The following MROH2A variants were observed in gnomAD, a reference collection of about 807,000 sequenced individuals.
MROH2A encodes the protein maestro heat-like repeat-containing protein family member 2A.
MROH2A carries 174 observed loss-of-function variants against 200.4 expected under a neutral mutation model. The observed-to-expected ratio is 0.87, with a 90% CI of 0.77 to 0.98. The LOEUF (loss-of-function observed/expected upper bound fraction) is 0.98, where lower values mean the gene tolerates loss of function less well. Ranked by LOEUF, MROH2A falls within the 50% of genes least tolerant of loss-of-function variation. The pLI is 0.00. For synonymous variants in MROH2A, 829 were observed against 840.4 expected (o/e 0.99, Z 0.23); for missense variants, 2,045 against 2,139.6 (o/e 0.96, Z 0.87).
rs377648962 is a variant in MROH2A at position 233,804,176 on chromosome 2, G to A, written c.1875G>A (p.Leu625=). ...ADMWELEIAL[L]VRYLEEHTEF... ...TGTGGGAGCTGGAGATTGCGCTACTGGTCCGGTACCTGGAAGGTGAGGTTC... is the reference window on the plus strand; with the variant it reads ...TGTGGGAGCTGGAGATTGCGCTACTAGTCCGGTACCTGGAAGGTGAGGTTC... The change falls in exon 17 of 42, where the codon CTG becomes CTA. Residue 625 remains leucine (L), a synonymous_variant. Transcript: ENST00000389758. The A allele has an allele frequency of 2.5e-5, 38 of 1,550,404 alleles. No homozygotes were observed. The African/African-American group carries it at 2.6e-4, about 11-fold the overall frequency.
rs1701868054 is a variant in MROH2A, at chr2:233,792,815, C to G, written c.591C>G (p.Tyr197Ter). 1 of 1,546,708 alleles carries G rather than the reference C, an allele frequency of 6.5e-7. No individual in the cohort carries two copies. The highest frequency in any genetic ancestry group is 2.0e-5 in the Admixed American group (1 of 50,980). Residue 197 changes from tyrosine (Y) to a stop codon, truncating the protein, a stop_gained, in exon 6 of 42, where the codon TAC becomes TAG. Transcript: ENST00000389758. LOFTEE classifies it high-confidence loss of function. ...TCACAGTGTTTGAGTTCATGCCATACATGGGCATCACCCTGGCTACCATAT... is the reference window on the plus strand; with the variant it reads ...TCACAGTGTTTGAGTTCATGCCATAGATGGGCATCACCCTGGCTACCATAT... Reference protein sequence around the residue: ...ANGNVFEFMPYMGITLATIFT... With the variant: ...ANGNVFEFMP
Position 233,805,203 on chromosome 2 carries a change from C to A in MROH2A, c.2052+92C>A, listed in dbSNP as rs1282580113. On this transcript the variant is annotated intron_variant, in intron 19 of 41. Coordinates refer to ENST00000389758, the MANE Select transcript of MROH2A (RefSeq NM_001394639.1). The stretch of plus-strand genomic sequence containing the variant: ...GATAACACCGTGTGTGTGAGATCAG[C>A]TGGACCTGTGGCTGTTTACAGGGTC... 93 of 838,972 alleles carry A rather than the reference C, an allele frequency of 1.1e-4. 5 individuals carry two copies. The South Asian group carries it at 1.2e-3, about 11-fold the overall frequency. 52.0% of individuals were successfully genotyped at this position (838,972 alleles called of 1,614,324 possible).
intron 4 of MROH2A, 43 bp from the exon 5 acceptor site, chr2:233,789,809 C>G: frequency 2.6e-6 from 4 of 1,521,986 alleles, no homozygotes; most frequent in Non-Finnish European, 2.7e-6. Flanking sequence ...CCTGGAGGCC[C>G]GGCTGGTGGT....
chr2:233,824,180 A>C (rs1704150095), intron 35 of MROH2A, among the ~76,000 whole-genome samples: 1 of 152,268 alleles, frequency 6.6e-6, no homozygotes, highest in South Asian at 2.1e-4. Context: ...AAGCTGTAGC[A>C]GGAAAACAGC....
In MROH2A at chr2:233,828,420, C is replaced by T; in HGVS notation, c.4114-210C>T. 1.8e-6 allele frequency: 1 copy of T among 556,562 alleles called. No individual in the cohort carries two copies. The allele number at this position is 556,562 out of a possible 1,614,324, so 34.5% of individuals were successfully genotyped here. ...TATACGTAACACTTATCTAGCATTC[C>T]CCCCATATTTCCTTATTAAATCCCC... On this transcript the variant is annotated intron_variant, in intron 35 of 41. Transcript: ENST00000389758. The surrounding 1 kb of genome is among the most constrained non-coding windows in gnomAD (Gnocchi z 4.6).
Position 233,799,579 on chromosome 2 carries a change from A to G in MROH2A, c.1330-201A>G, listed in dbSNP as rs1016113253. Among the ~76,000 whole-genome samples the G allele has an allele frequency of 1.2e-4, 19 of 152,124 alleles. No homozygotes were observed. The East Asian group carries it at 1.7e-3, about 14-fold the overall frequency. Reference sequence around the variant, plus strand: ...GAGCTTTGTGTCTCTCCAAGGCTCAATTAGGCTCCCAGGTGGGCATGCTGC... The same window carrying G: ...GAGCTTTGTGTCTCTCCAAGGCTCAGTTAGGCTCCCAGGTGGGCATGCTGC... On this transcript the variant is annotated intron_variant, in intron 12 of 41. Transcript: ENST00000389758.
intron 22 of MROH2A, 129 bp downstream of exon 22, chr2:233,809,407 G>A (rs945544241): frequency 4.8e-5 from 50 of 1,037,128 alleles, no homozygotes; most frequent in Non-Finnish European, 6.3e-5. Flanking sequence ...TGCCCAGCAC[G>A]TGGGAAGCCC....
chr2:233,776,354 C>CTTTTTT (rs10568441), upstream of MROH2A, among the ~76,000 whole-genome samples: 1 of 111,342 alleles, frequency 9.0e-6, no homozygotes, highest in Non-Finnish European at 1.9e-5. Flanking sequence ...AATGTATTTA[C>CTTTTTT]TTTTTTTTTT....
At chr2:233,813,271 A>AGCTGCTGCTGCT (rs895511669) in intron 24 of MROH2A, among the ~76,000 whole-genome samples, 1 of 151,908 alleles carries the variant, frequency 6.6e-6, no homozygotes, top group African/African-American at 2.4e-5. Context: ...TCCAAGGTGA[A>AGCTGCTGCTGCT]GCTGCTGCTG....
At chr2:233,794,996 C>T (rs543160438) in intron 8 of MROH2A, among the ~76,000 whole-genome samples, 16 of 152,156 alleles carry the variant, frequency 1.1e-4, no homozygotes, top group South Asian at 1.0e-3. Flanking sequence ...TTCCTCATTG[C>T]GTGGCCTTTC....
intron 12 of MROH2A, among the ~76,000 whole-genome samples, 196 bp from the exon 13 acceptor site, chr2:233,799,584 G>C (rs556237213): frequency 6.6e-6 from 1 of 152,250 alleles, no homozygotes; most frequent in East Asian, 1.9e-4. Flanking sequence ...GCTCAATTAG[G>C]CTCCCAGGTG....
chr2:233,792,530 A>C (rs59728213), intron 5 of MROH2A, among the ~76,000 whole-genome samples: 120 of 151,978 alleles, frequency 7.9e-4, no homozygotes, highest in Non-Finnish European at 1.3e-3. Context: ...AGCCAGGATG[A>C]CCTCGATCTC....
chr2:233,818,046 T>C lies in MROH2A; in HGVS notation c.3006T>C (p.Ile1002=). 6.4e-7 allele frequency: 1 copy of C among 1,551,002 alleles called. No homozygotes were observed. The change falls in exon 28 of 42, where the codon ATT becomes ATC. Residue 1002 remains isoleucine (I), a synonymous_variant. Transcript: ENST00000389758. Reference sequence around the variant, plus strand: ...AGTTTGGCACAATGGTCGGACTCATTGCCCCGTGCACCTGTGATGCCCATC... The same window carrying C: ...AGTTTGGCACAATGGTCGGACTCATCGCCCCGTGCACCTGTGATGCCCATC... ...LGQFGTMVGL[I]APCTCDAHQR...
intron 15 of MROH2A, 182 bp downstream of exon 15, chr2:233,802,497 T>C: frequency 1.5e-6 from 1 of 682,492 alleles, no homozygotes. Context: ...CATATCTAGG[T>C]CATGTTAGAA....
rs57211615 is a variant in MROH2A at position 233,807,096 on chromosome 2, G to T, written c.2053-327G>T. Among the ~76,000 whole-genome samples, 2,827 of 151,942 alleles carry T rather than the reference G, an allele frequency of 0.019. 83 individuals carry two copies. The highest frequency in any genetic ancestry group is 0.065 in the African/African-American group (2,672 of 41,388). On this transcript the variant is annotated intron_variant, in intron 19 of 41. Transcript: ENST00000389758. The surrounding 1 kb of genome is among the most constrained non-coding windows in gnomAD (Gnocchi z 4.3). ...AATAATAGTCTCCAATCTCATCCAG[G>T]TTACTGCAAATGCCAGTAATTCATT...
At chr2:233,814,255 T>A (rs1326160869) in intron 25 of MROH2A, among the ~76,000 whole-genome samples, 1 of 152,134 alleles carries the variant, frequency 6.6e-6, no homozygotes, top group Non-Finnish European at 1.5e-5. Context: ...GGAAATGTAG[T>A]CCCTGATGAG....
At chr2:233,813,631 C>T in intron 24 of MROH2A, 39 bp from the exon 25 acceptor site, 3 of 1,332,380 alleles carry the variant, frequency 2.3e-6, no homozygotes, top group Admixed American at 2.0e-5. Context: ...GCTCAACTCC[C>T]CAATGACTGT....
At chr2:233,777,773 G>T (rs1010864479), upstream of MROH2A, among the ~76,000 whole-genome samples, 3 of 152,104 alleles carry the variant, frequency 2.0e-5, no homozygotes, top group Non-Finnish European at 4.4e-5. Flanking sequence ...TTTCCCAAAG[G>T]CCAATATTTC....
At position 233,779,802 on chromosome 2, in the gene MROH2A, G is replaced by T. The variant is rs1432306434; in HGVS notation, c.226G>T (p.Glu76Ter). 8 of 1,550,678 alleles carry T rather than the reference G, an allele frequency of 5.2e-6. No individual in the cohort carries two copies. Among genetic ancestry groups the T allele is most frequent in the Non-Finnish European group, 7.0e-6 (8 of 1,146,970 alleles). Reference protein sequence around the residue: ...SVIIMEKATTEPSVVINTLIR... With the variant: ...SVIIMEKATT ...GATAATCATGGAGAAGGCCACCACTGAGCCTTCTGTAGTGATAAACACTCT... is the reference window on the plus strand; with the variant it reads ...GATAATCATGGAGAAGGCCACCACTTAGCCTTCTGTAGTGATAAACACTCT... Residue 76 changes from glutamate to a stop codon, truncating the protein, a stop_gained, in exon 3 of 42, where the codon GAG becomes TAG. Transcript: ENST00000389758. LOFTEE classifies it high-confidence loss of function.
Sources: gnomAD v4.1 joint callset for allele counts (sites outside exome capture counted in the v4.1 genomes callset) on GRCh38, gnomAD v4.1.1 for gene constraint, Gnocchi (gnomAD v3.1) non-coding constraint, MANE v1.5 for transcripts, NCBI Gene and HGNC (gene_info 2026-07-23, HGNC 2026-07-21) for gene names.